Variants in UBE2W observed in about 807,000 individuals in gnomAD.
The protein encoded by UBE2W is ubiquitin-conjugating enzyme E2 W.
Under a neutral mutation model 27.2 loss-of-function variants are expected in UBE2W, and 18 were observed. The observed-to-expected ratio is 0.66, with a 90% CI of 0.46 to 0.98. UBE2W has a LOEUF of 0.98. Among genes scored for constraint, UBE2W ranks in the 50% least tolerant of loss-of-function variants. The pLI is 0.00. For missense variants in UBE2W, 90 were observed against 180.2 expected (o/e 0.50, Z 2.87); for synonymous variants, 53 against 57.2 (o/e 0.93, Z 0.33).
At chr8:73,832,473 T>C (rs1177139699) in intron 1 of UBE2W, among the ~76,000 whole-genome samples, 2 of 152,210 alleles carry the variant, frequency 1.3e-5, no homozygotes, top group Non-Finnish European at 2.9e-5. Flanking sequence ...TGGCTAATCT[T>C]ACATTAAAAA....
intron 1 of UBE2W, 98 bp downstream of exon 1, chr8:73,878,689 ACCCGGACCGATCCCGAACCCG>A: frequency 1.1e-6 from 1 of 906,670 alleles, no homozygotes; most frequent in Non-Finnish European, 1.8e-6. Flanking sequence ...AAAACAGGCC[ACCCGGACCGATCCCGAACCCG>A]CCCGGGTGTC....
At chr8:73,853,124 A>C (rs764746050) in intron 1 of UBE2W, among the ~76,000 whole-genome samples, 8 of 152,190 alleles carry the variant, frequency 5.3e-5, no homozygotes, top group Non-Finnish European at 7.3e-5. Context: ...CCTTGCTGCC[A>C]TGTGAAGATA....
intron 1 of UBE2W, among the ~76,000 whole-genome samples, chr8:73,865,561 G>A (rs1247472801): frequency 3.3e-5 from 5 of 152,198 alleles, no homozygotes; most frequent in East Asian, 1.9e-4. Context: ...GCAGTGAGCC[G>A]TGACGGCACT....
intron 1 of UBE2W, among the ~76,000 whole-genome samples, chr8:73,843,199 T>C (rs917341570): frequency 5.9e-5 from 9 of 152,198 alleles, no homozygotes; most frequent in Admixed American, 5.2e-4. Context: ...TGACTACTTA[T>C]GGACACAAAG....
chr8:73,873,161 A>G (rs1812076510), intron 1 of UBE2W, among the ~76,000 whole-genome samples: 1 of 152,184 alleles, frequency 6.6e-6, no homozygotes, highest in Non-Finnish European at 1.5e-5. Flanking sequence ...CACTCACCTC[A>G]GCCTCCCAAA....
chr8:73,805,464 A>AACAAAAC (rs1288235584), intron 5 of UBE2W, among the ~76,000 whole-genome samples, 187 bp downstream of exon 5: 1 of 124,626 alleles, frequency 8.0e-6, no homozygotes, highest in Non-Finnish European at 1.8e-5. Context: ...CAAAAAAAAA[A>AACAAAAC]AAAAAAACAA....
At chr8:73,801,106 AAAGAAT>A (rs1479880447) in intron 5 of UBE2W, among the ~76,000 whole-genome samples, 14 of 152,176 alleles carry the variant, frequency 9.2e-5, no homozygotes, top group African/African-American at 3.1e-4. Context: ...AGAAAAAGAA[AAAGAAT>A]AAGAACTTAT....
At chr8:73,875,619 TCTA>T (rs138222168) in intron 1 of UBE2W, among the ~76,000 whole-genome samples, 1,587 of 117,572 alleles carry the variant, frequency 0.013, 34 homozygotes, top group African/African-American at 0.051. Flanking sequence ...GTTAGATAAA[TCTA>T]CTAAAAGCTT....
chr8:73,844,575 T>C (rs923195198), intron 1 of UBE2W, among the ~76,000 whole-genome samples: 1 of 151,572 alleles, frequency 6.6e-6, no homozygotes, highest in African/African-American at 2.4e-5. Flanking sequence ...CCACCCCGTC[T>C]AGGAAGTGAG....
At position 73,814,439 on chromosome 8, in the gene UBE2W, A is replaced by G. The variant is rs183199894; in HGVS notation, c.211-3810T>C. 2.5e-4 allele frequency among the ~76,000 whole-genome samples: 38 copies of G among 152,384 alleles called. 1 individual carries two copies. The highest frequency in any genetic ancestry group is 2.5e-3 in the Admixed American group (38 of 15,310). Reference sequence around the variant, plus strand: ...AAGTAAAATGGAATTACAGATTTTTAAAGAACGATTTGATGGAAATACAGT... The same window carrying G: ...AAGTAAAATGGAATTACAGATTTTTGAAGAACGATTTGATGGAAATACAGT... On this transcript the variant is annotated intron_variant, in intron 3 of 5. Transcript: ENST00000602593.
At chr8:73,797,856 A>G (rs1563571560) in intron 5 of UBE2W, among the ~76,000 whole-genome samples, 1 of 152,248 alleles carries the variant, frequency 6.6e-6, no homozygotes. Flanking sequence ...AGGAGCCTTA[A>G]GTTACACGGG....
At chr8:73,825,094 G>A in intron 3 of UBE2W, 53 bp downstream of exon 3, 1 of 1,102,140 alleles carries the variant, frequency 9.1e-7, no homozygotes, top group South Asian at 1.5e-5. Flanking sequence ...AAACATCTCT[G>A]GCATTTAGCT....
chr8:73,853,225 T>C (rs1320386626), intron 1 of UBE2W, among the ~76,000 whole-genome samples: 6 of 152,228 alleles, frequency 3.9e-5, no homozygotes, highest in African/African-American at 1.4e-4. Flanking sequence ...ATTAAATTTC[T>C]GTTGTTTATA....
At chr8:73,863,851 G>T (rs1213648543) in intron 1 of UBE2W, among the ~76,000 whole-genome samples, 2 of 151,436 alleles carry the variant, frequency 1.3e-5, no homozygotes, top group Non-Finnish European at 2.9e-5. Context: ...TTTTTTTAAA[G>T]TTTCCCAGGT....
rs564569487 is a variant in UBE2W at position 73,872,988 on chromosome 8, C to G, written c.15+5820G>C. Among the ~76,000 whole-genome samples the G allele has an allele frequency of 8.6e-5, 13 of 151,646 alleles. No homozygotes were observed. The East Asian group carries it at 2.5e-3, about 29-fold the overall frequency. ...ATGATCTCCGCTCACTGCAAGGCGCCTCCGCCTCCTGGGCCCAAGGGATTC... is the reference window on the plus strand; with the variant it reads ...ATGATCTCCGCTCACTGCAAGGCGCGTCCGCCTCCTGGGCCCAAGGGATTC... On this transcript the variant is annotated intron_variant, in intron 1 of 5. Transcript: ENST00000602593.
At chr8:73,782,702 CAT>C (rs1807866093), downstream of UBE2W, among the ~76,000 whole-genome samples, 2 of 152,120 alleles carry the variant, frequency 1.3e-5, no homozygotes, top group African/African-American at 2.4e-5. Context: ...TTACATAAAA[CAT>C]AAAATGTTTT....
At chr8:73,796,532 AAATG>A in intron 5 of UBE2W, 1 of 588,688 alleles carries the variant, frequency 1.7e-6, no homozygotes, top group South Asian at 7.5e-5. Context: ...CGTGCTACCA[AAATG>A]ATTAGGAAAT....
At chr8:73,840,742 C>T (rs993109849) in intron 1 of UBE2W, among the ~76,000 whole-genome samples, 4 of 152,020 alleles carry the variant, frequency 2.6e-5, no homozygotes, top group African/African-American at 9.7e-5. Flanking sequence ...GTCAACTCTC[C>T]GATACTCAGG....
intron 1 of UBE2W, among the ~76,000 whole-genome samples, chr8:73,869,666 G>A (rs1484960145): frequency 6.6e-6 from 1 of 152,062 alleles, no homozygotes; most frequent in African/African-American, 2.4e-5. Context: ...ACTCCAGTCT[G>A]GGAGACTGAG....
Sources: allele counts gnomAD v4.1 joint callset (sites outside exome capture counted in the v4.1 genomes callset), GRCh38; gene constraint gnomAD v4.1.1; transcripts MANE v1.5; gene names NCBI Gene and HGNC (gene_info 2026-07-23, HGNC 2026-07-21).